The following ADA2 variants were observed in gnomAD, a reference collection of about 807,000 sequenced individuals.
The protein encoded by ADA2 is adenosine deaminase 2.
ADA2 carries 29 observed loss-of-function variants against 44.2 expected under a neutral mutation model. The observed-to-expected ratio is 0.66, with a 90% CI of 0.49 to 0.89. The LOEUF is 0.89. Ranked by LOEUF, ADA2 falls within the 40% of genes least tolerant of loss-of-function variation. ADA2 has a pLI of 0.00. For missense variants in ADA2, 637 were observed against 644.8 expected (o/e 0.99, Z 0.13); for synonymous variants, 215 against 234.9 (o/e 0.92, Z 0.77).
upstream of ADA2, among the ~76,000 whole-genome samples, chr22:17,220,447 G>A (rs1341723048): frequency 1.3e-5 from 2 of 152,100 alleles, no homozygotes; most frequent in Non-Finnish European, 2.9e-5. Context: ...TGAAAATGTG[G>A]ATAATAAAAG....
intron 1 of ADA2, among the ~76,000 whole-genome samples, chr22:17,214,665 T>C (rs1011886797): frequency 1.3e-5 from 2 of 152,200 alleles, no homozygotes; most frequent in African/African-American, 4.8e-5. Flanking sequence ...CATTTGCAAC[T>C]CTGTGGCCTT....
At chr22:17,192,109 A>C (rs1464072569) in intron 4 of ADA2, among the ~76,000 whole-genome samples, 1 of 152,100 alleles carries the variant, frequency 6.6e-6, no homozygotes, top group Non-Finnish European at 1.5e-5. Context: ...CCTTGTTCCC[A>C]AAAGTCCAGC....
intron 7 of ADA2, among the ~76,000 whole-genome samples, chr22:17,187,557 T>C (rs1229518792): frequency 1.3e-5 from 2 of 151,686 alleles, no homozygotes; most frequent in East Asian, 1.9e-4. Flanking sequence ...TCCAAAGTGC[T>C]AGGATTACAG....
intron 4 of ADA2, among the ~76,000 whole-genome samples, chr22:17,197,304 G>A (rs1320951682): frequency 7.0e-6 from 1 of 142,460 alleles, no homozygotes; most frequent in Non-Finnish European, 1.5e-5. Flanking sequence ...GTCTCACTCT[G>A]CGGCCCAGGC....
At chr22:17,199,848 G>T in intron 4 of ADA2, 1 of 1,016,944 alleles carries the variant, frequency 9.8e-7, no homozygotes, top group Non-Finnish European at 1.3e-6. Flanking sequence ...GGAGGCCGAC[G>T]TGGGTGTATT....
At chr22:17,198,714 T>A (rs2062225823) in intron 4 of ADA2, 1 of 152,128 alleles carries the variant, frequency 6.6e-6, no homozygotes, top group Non-Finnish European at 1.5e-5. Context: ...CCATCCCCTG[T>A]GGATAACCCT....
intron 1 of ADA2, among the ~76,000 whole-genome samples, chr22:17,216,739 A>G (rs913345631): frequency 2.7e-5 from 4 of 149,252 alleles, no homozygotes; most frequent in Non-Finnish European, 5.9e-5. Flanking sequence ...CAGCCCGGCA[A>G]CAGAGCAAGA....
At chr22:17,214,717 C>T (rs1418394824) in intron 1 of ADA2, among the ~76,000 whole-genome samples, 1 of 152,240 alleles carries the variant, frequency 6.6e-6, no homozygotes, top group Admixed American at 6.5e-5. Flanking sequence ...ACAGCACAGC[C>T]TGGGTGGCAG....
At chr22:17,221,354 G>A (rs2062522020), upstream of ADA2, among the ~76,000 whole-genome samples, 1 of 151,882 alleles carries the variant, frequency 6.6e-6, no homozygotes, top group Non-Finnish European at 1.5e-5. Flanking sequence ...TTGATACATA[G>A]GTATACCTGT....
chr22:17,191,232 G>T (rs2062110529), intron 5 of ADA2, among the ~76,000 whole-genome samples: 5 of 152,208 alleles, frequency 3.3e-5, no homozygotes, highest in Admixed American at 2.6e-4. Context: ...GGTACTACTG[G>T]AGGTCCCCAC....
intron 7 of ADA2, among the ~76,000 whole-genome samples, chr22:17,183,788 A>C (rs1337133444): frequency 6.6e-6 from 1 of 151,690 alleles, no homozygotes; most frequent in Non-Finnish European, 1.5e-5. Flanking sequence ...TATGATCTTT[A>C]CAACAATATG....
At chr22:17,193,357 GCAAAAAAAAAAAA>G (rs2123659334) in intron 4 of ADA2, 2 of 47,028 alleles carry the variant, frequency 4.3e-5, no homozygotes, top group Non-Finnish European at 7.2e-5. Flanking sequence ...CGTAAAAACT[GCAAAAAAAAAAAA>G]AAAAAAAAAA....
intron 1 of ADA2, among the ~76,000 whole-genome samples, chr22:17,210,679 C>T (rs1001573764): frequency 6.6e-6 from 1 of 152,028 alleles, no homozygotes; most frequent in Non-Finnish European, 1.5e-5. Flanking sequence ...CCCTCTACAA[C>T]CTCCGCCTCC....
At chr22:17,212,823 A>C (rs2062432078) in intron 1 of ADA2, among the ~76,000 whole-genome samples, 2 of 147,996 alleles carry the variant, frequency 1.4e-5, no homozygotes, top group South Asian at 4.3e-4. Context: ...TCTGTTGCCC[A>C]GGCTGGAATG....
At chr22:17,219,732 T>G (rs1369055262), upstream of ADA2, 1 of 131,330 alleles carries the variant, frequency 7.6e-6, no homozygotes, top group African/African-American at 2.8e-5. Context: ...TGGAGTGCAA[T>G]GGCGCAATCT....
At chr22:17,184,706 T>C (rs1352999965) in intron 7 of ADA2, among the ~76,000 whole-genome samples, 4 of 151,184 alleles carry the variant, frequency 2.6e-5, no homozygotes, top group African/African-American at 4.9e-5. Context: ...GGCAGGAGGA[T>C]TGCTTGAGCC....
chr22:17,207,046 A>G, intron 3 of ADA2, 25 bp downstream of exon 3: 1 of 1,582,130 alleles, frequency 6.3e-7, no homozygotes, highest in South Asian at 1.1e-5. Context: ...GGCCTGGGAC[A>G]TGTGCTTTCT....
At chr22:17,214,092 G>T in intron 1 of ADA2, 1 of 658,372 alleles carries the variant, frequency 1.5e-6, no homozygotes, top group East Asian at 3.6e-5. Context: ...AGAGAGTGGA[G>T]GACTTCAACA....
intron 3 of ADA2, among the ~76,000 whole-genome samples, chr22:17,204,383 A>T (rs186417409): frequency 6.6e-6 from 1 of 152,240 alleles, no homozygotes; most frequent in African/African-American, 2.4e-5. Flanking sequence ...TTGGGAGGCC[A>T]AGATGGGTGG....
Sources: allele counts gnomAD v4.1 joint callset (sites outside exome capture counted in the v4.1 genomes callset), GRCh38; gene constraint gnomAD v4.1.1; transcripts MANE v1.5; gene names NCBI Gene and HGNC (gene_info 2026-07-23, HGNC 2026-07-21).